The following SLC44A5 variants were observed in gnomAD, a reference collection of about 807,000 sequenced individuals.
The protein encoded by SLC44A5 is choline transporter-like protein 5.
A neutral mutation model predicts 101.8 loss-of-function variants in SLC44A5; 57 were observed. The observed-to-expected ratio is 0.56, with a 90% confidence interval of 0.45 to 0.70. The LOEUF is 0.70. SLC44A5 is among the 30% of genes least tolerant of loss of function. SLC44A5 has a pLI of 0.00. For missense variants in SLC44A5, 737 were observed against 853.1 expected, an observed-to-expected ratio of 0.86 and a Z score of 1.70; for synonymous variants, 281 against 290.9, an observed-to-expected ratio of 0.97 and a Z score of 0.35.
chr1:75,335,157 T>G (rs1657345147), intron 4 of SLC44A5, among the ~76,000 whole-genome samples: 1 of 152,196 alleles, frequency 6.6e-6, no homozygotes, highest in African/African-American at 2.4e-5. Context: ...CTAAACAATC[T>G]CACTCTGCGT....
intron 3 of SLC44A5, among the ~76,000 whole-genome samples, chr1:75,351,416 A>G (rs994926692): frequency 2.0e-5 from 3 of 152,144 alleles, no homozygotes; most frequent in African/African-American, 7.2e-5. Flanking sequence ...CACAAAAATC[A>G]ATCTCAGATA....
intron 2 of SLC44A5, among the ~76,000 whole-genome samples, chr1:75,492,556 A>T (rs1668479155): frequency 6.6e-6 from 1 of 152,206 alleles, no homozygotes; most frequent in African/African-American, 2.4e-5. Context: ...GAAGATATAC[A>T]CTGCTATAAC....
chr1:75,394,839 T>C (rs1000231937), intron 3 of SLC44A5, among the ~76,000 whole-genome samples: 1 of 152,068 alleles, frequency 6.6e-6, no homozygotes, highest in Non-Finnish European at 1.5e-5. Flanking sequence ...GGCCTGTTTA[T>C]CCACTCACCC....
chr1:75,457,534 C>T (rs1444620323), intron 2 of SLC44A5, among the ~76,000 whole-genome samples: 2 of 152,048 alleles, frequency 1.3e-5, no homozygotes, highest in East Asian at 3.9e-4. Flanking sequence ...TCTCTGGAAG[C>T]TAGGTTGTGC....
At chr1:75,337,252 T>C (rs1657518281) in intron 4 of SLC44A5, among the ~76,000 whole-genome samples, 1 of 152,288 alleles carries the variant, frequency 6.6e-6, no homozygotes. Context: ...AGAAGAATTA[T>C]GCTAGTTGGT....
intron 3 of SLC44A5, among the ~76,000 whole-genome samples, chr1:75,360,650 T>A (rs1659419424): frequency 6.6e-6 from 1 of 152,196 alleles, no homozygotes; most frequent in African/African-American, 2.4e-5. Context: ...AGGTTCTCTG[T>A]CCCGTGCCAT....
chr1:75,349,329 A>G (rs1024766679), intron 3 of SLC44A5, among the ~76,000 whole-genome samples: 59 of 152,152 alleles, frequency 3.9e-4, no homozygotes, highest in African/African-American at 1.4e-3. Flanking sequence ...ACAGAGCGAG[A>G]CTCCATCTCA....
intron 2 of SLC44A5, among the ~76,000 whole-genome samples, chr1:75,428,557 A>T (rs1280698889): frequency 6.6e-6 from 1 of 152,202 alleles, no homozygotes; most frequent in Non-Finnish European, 1.5e-5. Context: ...CTCATTGTGG[A>T]AGTTGCTAAT....
chr1:75,365,354 T>C (rs554769510), intron 3 of SLC44A5, among the ~76,000 whole-genome samples: 59 of 152,272 alleles, frequency 3.9e-4, no homozygotes, highest in African/African-American at 1.4e-3. Flanking sequence ...CCAGTGTATA[T>C]TGTTCTCCTC....
intron 11 of SLC44A5, among the ~76,000 whole-genome samples, chr1:75,235,530 T>C (rs955879477): frequency 5.3e-5 from 8 of 151,994 alleles, no homozygotes; most frequent in Non-Finnish European, 1.0e-4. Flanking sequence ...ATTTAAATAC[T>C]GTCGAGAATA....
intron 2 of SLC44A5, among the ~76,000 whole-genome samples, chr1:75,450,528 G>C (rs1039349344): frequency 6.6e-6 from 1 of 152,338 alleles, no homozygotes; most frequent in South Asian, 2.1e-4. Context: ...ACACACCTCA[G>C]TAGTAGGTGC....
At position 75,383,485 on chromosome 1, in the gene SLC44A5, G is replaced by A. The variant is rs139791132; in HGVS notation, c.52+13098C>T. ...TGGAAGATGAAATGAATGAAATGAA[G>A]CGAGAAGGGAAGTTTAGAGAAAAAA... On this transcript the variant is annotated intron_variant, in intron 3 of 23. Coordinates refer to ENST00000370859, the MANE Select transcript of SLC44A5 (RefSeq NM_001130058.2). 2.3e-3 allele frequency among the ~76,000 whole-genome samples: 343 copies of A among 152,298 alleles called. 1 individual carries two copies. Among genetic ancestry groups the A allele is most frequent in the Middle Eastern group, 0.01 (3 of 294 alleles).
chr1:75,244,589 T>G (rs893123699), intron 7 of SLC44A5, among the ~76,000 whole-genome samples: 1 of 152,032 alleles, frequency 6.6e-6, no homozygotes, highest in Non-Finnish European at 1.5e-5. Context: ...CAATCAATCA[T>G]CATTATGGTC....
chr1:75,425,374 CAGAG>C (rs2101576322), intron 2 of SLC44A5, among the ~76,000 whole-genome samples: 1 of 152,264 alleles, frequency 6.6e-6, no homozygotes, highest in African/African-American at 2.4e-5. Context: ...CAATTAAAAT[CAGAG>C]AGAAAGGCCA....
At chr1:75,399,470 G>A (rs1336569121) in intron 2 of SLC44A5, among the ~76,000 whole-genome samples, 1 of 152,196 alleles carries the variant, frequency 6.6e-6, no homozygotes, top group South Asian at 2.1e-4. Context: ...AGGAAAAGGG[G>A]AGTGTGCTAA....
chr1:75,284,197 T>C (rs535090255), intron 5 of SLC44A5, among the ~76,000 whole-genome samples: 1 of 152,216 alleles, frequency 6.6e-6, no homozygotes, highest in East Asian at 1.9e-4. Flanking sequence ...TGTAGTTTTC[T>C]GTGTAGCGAT....
At chr1:75,244,769 A>G (rs1648965853) in intron 7 of SLC44A5, among the ~76,000 whole-genome samples, 2 of 152,244 alleles carry the variant, frequency 1.3e-5, no homozygotes, top group Admixed American at 1.3e-4. Context: ...AGGCAGAATC[A>G]GAGGAGATAC....
At chr1:75,644,642 ATT>A in the SLC44A5 span, among the ~76,000 whole-genome samples, 11 of 119,050 alleles carry the variant, frequency 9.2e-5, no homozygotes, top group African/African-American at 2.7e-4. Flanking sequence ...ATATATATAT[ATT>A]TTTTTTTAAT....
chr1:75,221,066 C>T (rs1018806282), intron 14 of SLC44A5, among the ~76,000 whole-genome samples: 2 of 152,150 alleles, frequency 1.3e-5, no homozygotes, highest in African/African-American at 4.8e-5. Context: ...CAATATCATA[C>T]TACTTAAGAA....
Sources: gnomAD v4.1 joint callset for allele counts (sites outside exome capture counted in the v4.1 genomes callset) on GRCh38, gnomAD v4.1.1 for gene constraint, MANE v1.5 for transcripts, NCBI Gene and HGNC (gene_info 2026-07-23, HGNC 2026-07-21) for gene names.